Variants in HDAC4 observed in about 807,000 individuals in gnomAD.
The protein encoded by HDAC4 is histone deacetylase A.
Under a neutral mutation model 135.1 loss-of-function variants are expected in HDAC4, and 16 were observed. The observed-to-expected ratio is 0.12, with a 90% CI of 0.08 to 0.18. The LOEUF is 0.18. Ranked by LOEUF, HDAC4 falls within the 10% of genes least tolerant of loss-of-function variation. HDAC4 has a pLI of 1.00. For missense variants in HDAC4, 1,143 were observed against 1,511.8 expected (o/e 0.76, Z 4.05); for synonymous variants, 685 against 653.4 (o/e 1.05, Z -0.74).
chr2:239,264,670 G>T (rs1039358290), intron 2 of HDAC4, among the ~76,000 whole-genome samples: 1 of 152,190 alleles, frequency 6.6e-6, no homozygotes, highest in Non-Finnish European at 1.5e-5. Flanking sequence ...TCGAAGAATA[G>T]ATCAGCCTTC....
At chr2:239,053,723 G>C in intron 25 of HDAC4, 122 bp from the exon 26 acceptor site, 1 of 794,940 alleles carries the variant, frequency 1.3e-6, no homozygotes, top group Admixed American at 2.6e-5. Context: ...GATTTTAAAA[G>C]CACCCGTCTT....
rs115552422 is a variant in HDAC4 at position 239,053,470 on chromosome 2, C to T, written c.3220G>A (p.Ala1074Thr). 5.7e-4 allele frequency: 914 copies of T among 1,612,938 alleles called. 2 individuals are homozygous for T. Among genetic ancestry groups the T allele is most frequent in the South Asian group, 9.6e-4 (87 of 90,978 alleles). ...AGGGCAGGTGCTCACCTCTTTTCGG[C>T]GGGCTTCACGCCCACGGACAGCGAG... ...MASLSVGVKP[A>T]EKRPDEEPME... The change falls in exon 26 of 27, where the codon GCC (alanine) becomes ACC (threonine). Residue 1074 changes from alanine to threonine, a missense_variant. This residue lies in a region of HDAC4 where 131 missense variants were observed against 130.6 expected (regional missense o/e 1.00). Transcript: ENST00000543185.
At chr2:239,089,935 G>A (rs1267302405) in intron 18 of HDAC4, 74 bp downstream of exon 18, 1 of 1,076,546 alleles carries the variant, frequency 9.3e-7, no homozygotes, top group Non-Finnish European at 1.5e-6. Context: ...GAGACGGAGT[G>A]GGCGGCCCCT....
At chr2:239,353,276 A>G (rs1239727484) in intron 1 of HDAC4, among the ~76,000 whole-genome samples, 1 of 152,086 alleles carries the variant, frequency 6.6e-6, no homozygotes, top group East Asian at 1.9e-4. Flanking sequence ...CAGCCTCCCA[A>G]AGTGCTGGGA....
chr2:239,225,991 G>A (rs1035393704), intron 3 of HDAC4, among the ~76,000 whole-genome samples: 2 of 152,140 alleles, frequency 1.3e-5, no homozygotes, highest in Non-Finnish European at 2.9e-5. Context: ...TGTGGCTGCT[G>A]AGAAGGAACT....
intron 2 of HDAC4, among the ~76,000 whole-genome samples, chr2:239,283,682 C>T (rs116787787): frequency 2.4e-4 from 37 of 152,310 alleles, no homozygotes; most frequent in Non-Finnish European, 4.9e-4. Context: ...GTTTTCATAA[C>T]GGCTGTGTTT....
At chr2:239,286,114 T>G (rs1442528786) in intron 2 of HDAC4, among the ~76,000 whole-genome samples, 1 of 152,260 alleles carries the variant, frequency 6.6e-6, no homozygotes, top group Admixed American at 6.5e-5. Context: ...TAATGCTTTA[T>G]TCACTATCAT....
chr2:239,386,849 T>G (rs1040582114), intron 1 of HDAC4, among the ~76,000 whole-genome samples: 3 of 152,164 alleles, frequency 2.0e-5, no homozygotes, highest in African/African-American at 7.2e-5. Context: ...GTGAGAACTG[T>G]GCATGAGAGA....
chr2:239,172,179 T>A (rs2043488361), intron 5 of HDAC4, among the ~76,000 whole-genome samples: 1 of 151,564 alleles, frequency 6.6e-6, no homozygotes, highest in South Asian at 2.1e-4. Context: ...TTTGCCAGAA[T>A]TGGCAAAAGT....
chr2:239,078,011 A>C (rs1448459099), intron 22 of HDAC4, among the ~76,000 whole-genome samples: 1 of 152,208 alleles, frequency 6.6e-6, no homozygotes, highest in Non-Finnish European at 1.5e-5. Context: ...TCGTAATATC[A>C]CAGTGGAATC....
chr2:239,331,730 G>A lies in HDAC4; in HGVS notation c.22+20948C>T, dbSNP rs1377491000. Among the ~76,000 whole-genome samples, 1 of 152,156 alleles carries A rather than the reference G, an allele frequency of 6.6e-6. No individual in the cohort carries two copies. ...CTAACCCTCCAGCCAGGAACACAGA[G>A]GACAGGATGCAATCTAAAACACGGC... On this transcript the variant is annotated intron_variant, in intron 2 of 26. Transcript: ENST00000543185. The surrounding 1 kb of genome is among the most constrained non-coding windows in gnomAD (Gnocchi z 4.5).
At position 239,108,060 on chromosome 2, in the gene HDAC4, C is replaced by G; in HGVS notation, c.2102G>C (p.Gly701Ala). The G allele has an allele frequency of 6.2e-7, 1 of 1,610,764 alleles. No individual in the cohort carries two copies. Among genetic ancestry groups the G allele is most frequent in the Non-Finnish European group, 8.5e-7 (1 of 1,179,758 alleles). ...CCCGGTCGGCGTTACCTCGCATTTG[C>G]CCCGGAGGCCCGTCTCCTGCAGGCG... ...WSRLQETGLR[G>A]KCECIRGRKA... Residue 701 changes from glycine to alanine, a missense_variant, in exon 15 of 27, where the codon GGC (glycine) becomes GCC (alanine). By Grantham distance (60) the Gly-to-Ala change is moderately conservative (BLOSUM62 0). Transcript: ENST00000543185.
At chr2:239,358,987 A>C (rs529826759) in intron 1 of HDAC4, among the ~76,000 whole-genome samples, 62 of 152,308 alleles carry the variant, frequency 4.1e-4, no homozygotes, top group African/African-American at 1.3e-3. Context: ...TATGTATTTC[A>C]TGTTGAGTTC....
chr2:239,290,624 C>T (rs894903093), intron 2 of HDAC4, among the ~76,000 whole-genome samples: 3 of 152,266 alleles, frequency 2.0e-5, no homozygotes, highest in Admixed American at 6.5e-5. Flanking sequence ...CAAGCAGTCA[C>T]GTACACACAT....
At chr2:239,234,562 A>G (rs2047772662) in intron 3 of HDAC4, among the ~76,000 whole-genome samples, 1 of 152,224 alleles carries the variant, frequency 6.6e-6, no homozygotes, top group Admixed American at 6.5e-5. Context: ...TTATTGAGGA[A>G]CTACTAAAAA....
At chr2:239,387,776 C>T (rs1476495712) in intron 1 of HDAC4, among the ~76,000 whole-genome samples, 2 of 152,110 alleles carry the variant, frequency 1.3e-5, no homozygotes, top group African/African-American at 2.4e-5. Flanking sequence ...CCTAAAAAGC[C>T]GAGCTCCTCC....
At chr2:239,283,083 G>A (rs2050913890) in intron 2 of HDAC4, among the ~76,000 whole-genome samples, 1 of 152,264 alleles carries the variant, frequency 6.6e-6, no homozygotes, top group South Asian at 2.1e-4. Context: ...TGATGTTCCA[G>A]GATTCGCTCG....
chr2:239,084,309 C>G (rs1184802322), intron 19 of HDAC4, 67 bp from the exon 20 acceptor site: 4 of 1,112,762 alleles, frequency 3.6e-6, no homozygotes, highest in Non-Finnish European at 5.4e-6. Flanking sequence ...CCACGGCCCG[C>G]CAGAGAGCCA....
intron 5 of HDAC4, among the ~76,000 whole-genome samples, chr2:239,169,735 G>A (rs544728612): frequency 8.6e-4 from 131 of 152,210 alleles, no homozygotes; most frequent in African/African-American, 2.9e-3. Context: ...AAGACCAGGC[G>A]TGCGTGTGTG....
Sources: gnomAD v4.1 joint callset for allele counts (sites outside exome capture counted in the v4.1 genomes callset) on GRCh38, gnomAD v4.1.1 for gene constraint, gnomAD v4.1.1 regional missense constraint, Gnocchi (gnomAD v3.1) non-coding constraint, MANE v1.5 for transcripts, NCBI Gene and HGNC (gene_info 2026-07-23, HGNC 2026-07-21) for gene names.